Variants in CCNB3 observed in about 807,000 individuals in gnomAD.
The protein encoded by CCNB3 is G2/mitotic-specific cyclin-B3.
In CCNB3, 12 loss-of-function variants were observed where a neutral mutation model predicts 68.0. That is an observed-to-expected ratio of 0.18 (90% CI 0.11 to 0.29). The LOEUF is 0.29. Ranked by LOEUF, CCNB3 falls within the 10% of genes least tolerant of loss-of-function variation. The pLI, the probability that CCNB3 is intolerant of heterozygous loss-of-function variation, is 1.00. For missense variants in CCNB3, 904 were observed against 993.1 expected, an observed-to-expected ratio of 0.91 and a Z score of 1.21; for synonymous variants, 354 against 388.9, an observed-to-expected ratio of 0.91 and a Z score of 1.06.
At chrX:50,341,565 C>G (rs1923145170) in intron 8 of CCNB3, 1 of 105,740 alleles carries the variant, frequency 9.5e-6, no homozygotes, top group African/African-American at 3.4e-5. Context: ...ATAAACAAAA[C>G]GTTGATTTTT....
Position 50,334,323 on chromosome X carries a change from G to A in CCNB3, c.3517-7879G>A, listed in dbSNP as rs782542976. 1.1e-4 allele frequency among the ~76,000 whole-genome samples: 12 copies of A among 112,745 alleles called. No individual in the cohort carries two copies. The East Asian group carries it at 1.7e-3, about 16-fold the overall frequency. Reference sequence around the variant, plus strand: ...TCTCTGATACTAGGAGCAGGGTGGCGGGATTTAGGGTGTTACAGACTTCAG... The same window carrying A: ...TCTCTGATACTAGGAGCAGGGTGGCAGGATTTAGGGTGTTACAGACTTCAG... On this transcript the variant is annotated intron_variant, in intron 8 of 12. Transcript: ENST00000376042.
intron 1 of CCNB3, among the ~76,000 whole-genome samples, chrX:50,222,837 T>C (rs1791147843): frequency 2.7e-5 from 3 of 111,662 alleles, no homozygotes; most frequent in Non-Finnish European, 1.9e-5. Flanking sequence ...GGAAGTTCTC[T>C]TGAATAATAT....
At chrX:50,226,703 A>C (rs1350785720) in intron 1 of CCNB3, among the ~76,000 whole-genome samples, 1 of 80,798 alleles carries the variant, frequency 1.2e-5, no homozygotes, top group African/African-American at 5.0e-5. Flanking sequence ...TAGAATATAC[A>C]TATGAATATG....
At chrX:50,297,179 G>A (rs1936491991) in intron 5 of CCNB3, among the ~76,000 whole-genome samples, 1 of 111,669 alleles carries the variant, frequency 9.0e-6, no homozygotes, top group Non-Finnish European at 1.9e-5. Flanking sequence ...ATTGCTTTTG[G>A]TGTTTTAGAC....
At chrX:50,291,472 C>G (rs192466552) in intron 4 of CCNB3, among the ~76,000 whole-genome samples, 33 of 110,721 alleles carry the variant, frequency 3.0e-4, no homozygotes, top group African/African-American at 1.1e-3. Context: ...CCATGTTGCC[C>G]AGGCTGGTCT....
chrX:50,279,391 T>C (rs1936034697), intron 1 of CCNB3, among the ~76,000 whole-genome samples: 1 of 78,124 alleles, frequency 1.3e-5, no homozygotes, highest in Non-Finnish European at 2.3e-5. Flanking sequence ...TGAAATATTT[T>C]GTATATTCAT....
At chrX:50,313,656 A>T (rs1415518355) in intron 7 of CCNB3, among the ~76,000 whole-genome samples, 200 bp from the exon 8 acceptor site, 1 of 111,604 alleles carries the variant, frequency 9.0e-6, no homozygotes, top group Admixed American at 9.6e-5. Context: ...TTCAATATCC[A>T]CTCTGACACT....
At chrX:50,316,293 C>G (rs1921722863) in intron 8 of CCNB3, among the ~76,000 whole-genome samples, 1 of 111,565 alleles carries the variant, frequency 9.0e-6, no homozygotes, top group Non-Finnish European at 1.9e-5. Context: ...AACCTCTTTT[C>G]TTTATAAATT....
chrX:50,279,249 C>G (rs1345800622), intron 1 of CCNB3, among the ~76,000 whole-genome samples: 2 of 62,517 alleles, frequency 3.2e-5, no homozygotes, highest in African/African-American at 1.4e-4. Flanking sequence ...AATATATATA[C>G]TATATATAAA....
At chrX:50,334,970 G>A (rs1453038724) in intron 8 of CCNB3, among the ~76,000 whole-genome samples, 1 of 111,995 alleles carries the variant, frequency 8.9e-6, no homozygotes, top group Non-Finnish European at 1.9e-5. Context: ...CCCAGGTAGT[G>A]TACCTGCTGT....
intron 1 of CCNB3, among the ~76,000 whole-genome samples, chrX:50,221,717 A>G (rs1259822908): frequency 9.0e-6 from 1 of 111,327 alleles, no homozygotes; most frequent in Admixed American, 9.6e-5. Flanking sequence ...GAATAAGTGC[A>G]ATGTGGTGCT....
chrX:50,288,227 T>A (rs1210743451), intron 3 of CCNB3, among the ~76,000 whole-genome samples: 7 of 110,558 alleles, frequency 6.3e-5, no homozygotes, highest in Non-Finnish European at 1.1e-4. Flanking sequence ...GGAAAATTTG[T>A]CTTCCATGAA....
At chrX:50,297,187 G>C (rs1936492218) in intron 5 of CCNB3, among the ~76,000 whole-genome samples, 2 of 111,798 alleles carry the variant, frequency 1.8e-5, no homozygotes, top group Admixed American at 1.9e-4. Flanking sequence ...TGGTGTTTTA[G>C]ACATGAAATC....
At chrX:50,305,038 C>T (rs1285294292) in intron 5 of CCNB3, among the ~76,000 whole-genome samples, 1 of 111,498 alleles carries the variant, frequency 9.0e-6, no homozygotes, top group Non-Finnish European at 1.9e-5. Context: ...GAAATAGGAA[C>T]ACTTTTACAC....
intron 8 of CCNB3, among the ~76,000 whole-genome samples, chrX:50,340,953 A>G (rs919545891): frequency 2.7e-5 from 3 of 112,314 alleles, no homozygotes; most frequent in Non-Finnish European, 5.6e-5. Context: ...AAATGAAAAT[A>G]GAAATACAAC....
intron 9 of CCNB3, among the ~76,000 whole-genome samples, chrX:50,344,771 A>T (rs1363331670): frequency 3.6e-5 from 4 of 111,570 alleles, no homozygotes; most frequent in African/African-American, 1.3e-4. Flanking sequence ...GTAATTTGGG[A>T]AGTAGCAGTA....
chrX:50,227,479 A>G (rs1411855401), intron 1 of CCNB3, among the ~76,000 whole-genome samples: 1 of 82,379 alleles, frequency 1.2e-5, no homozygotes, highest in East Asian at 3.5e-4. Context: ...CTAAATATAT[A>G]TAGACAGAAT....
At chrX:50,228,758 A>AAT (rs1267986621) in intron 1 of CCNB3, among the ~76,000 whole-genome samples, 1 of 72,430 alleles carries the variant, frequency 1.4e-5, no homozygotes, top group Non-Finnish European at 2.5e-5. Flanking sequence ...AATATATAGA[A>AAT]ATATATATAT....
chrX:50,211,627 G>A (rs1935484595), intron 1 of CCNB3, among the ~76,000 whole-genome samples: 1 of 111,608 alleles, frequency 9.0e-6, no homozygotes, highest in Admixed American at 9.5e-5. Flanking sequence ...CTGCAATGAG[G>A]AGTGATCTCA....
Sources: allele counts gnomAD v4.1 joint callset (sites outside exome capture counted in the v4.1 genomes callset), GRCh38; gene constraint gnomAD v4.1.1; transcripts MANE v1.5; gene names NCBI Gene and HGNC (gene_info 2026-07-23, HGNC 2026-07-21).